Variants in GAD2 observed in about 807,000 individuals in gnomAD.
The protein encoded by GAD2 is glutamate decarboxylase 2.
A neutral mutation model predicts 80.1 loss-of-function variants in GAD2; 22 were observed. The ratio of observed to expected loss-of-function variants is 0.27; its 90% CI spans 0.20 to 0.39. The LOEUF (loss-of-function observed/expected upper bound fraction) is 0.39, where lower values mean the gene tolerates loss of function less well. Among genes scored for constraint, GAD2 ranks in the 10% least tolerant of loss-of-function variants. The pLI, the probability that GAD2 is intolerant of heterozygous loss-of-function variation, is 1.00. For synonymous variants in GAD2, 274 were observed against 256.9 expected, an observed-to-expected ratio of 1.07 and a Z score of -0.64; for missense variants, 624 against 738.4, an observed-to-expected ratio of 0.85 and a Z score of 1.80.
chr10:26,300,164 G>A (rs775731773), intron 15 of GAD2, among the ~76,000 whole-genome samples: 26 of 152,114 alleles, frequency 1.7e-4, no homozygotes, highest in East Asian at 3.9e-4. Flanking sequence ...GTATAATCTC[G>A]TCTGTGGTAT....
chr10:26,247,029 A>G (rs751616329), intron 8 of GAD2, among the ~76,000 whole-genome samples: 10 of 152,204 alleles, frequency 6.6e-5, no homozygotes, highest in Non-Finnish European at 1.5e-4. Flanking sequence ...CTCGCGCAAG[A>G]AGGAATTCAG....
chr10:26,218,650 T>C (rs1844414802), intron 3 of GAD2, among the ~76,000 whole-genome samples: 1 of 151,964 alleles, frequency 6.6e-6, no homozygotes, highest in South Asian at 2.1e-4. Context: ...TGTTCCACTT[T>C]GGTTTGCCCG....
chr10:26,216,731 A>G (rs1048307604), upstream of GAD2: 103 of 1,255,496 alleles, frequency 8.2e-5, no homozygotes, highest in East Asian at 2.5e-3. The surrounding 1 kb of genome is among the most constrained non-coding windows in gnomAD (Gnocchi z 4.7). Flanking sequence ...ACGGGCACGC[A>G]CGCGCGCGCA....
chr10:26,236,883 T>C (rs1023607811), intron 7 of GAD2, among the ~76,000 whole-genome samples: 1 of 152,142 alleles, frequency 6.6e-6, no homozygotes. Context: ...TATTTTCTCC[T>C]CTACCCAGTC....
chr10:26,275,568 A>G (rs1300205457), intron 11 of GAD2, among the ~76,000 whole-genome samples: 1 of 152,236 alleles, frequency 6.6e-6, no homozygotes, highest in Non-Finnish European at 1.5e-5. Flanking sequence ...TTCCACTCTG[A>G]GCAGAATCCC....
At chr10:26,270,313 G>C (rs982895280) in intron 9 of GAD2, among the ~76,000 whole-genome samples, 4 of 152,046 alleles carry the variant, frequency 2.6e-5, no homozygotes, top group African/African-American at 9.7e-5. Flanking sequence ...GAGCAAAGGG[G>C]GTTAAAAGGG....
At chr10:26,273,729 TAAAGTGTTA>T in intron 11 of GAD2, 29 bp downstream of exon 11, 1 of 1,587,618 alleles carries the variant, frequency 6.3e-7, no homozygotes, top group Non-Finnish European at 8.6e-7. Context: ...ATTAACAACA[TAAAGTGTTA>T]AAAGCTAACT....
intron 11 of GAD2, among the ~76,000 whole-genome samples, chr10:26,277,430 A>C (rs1845222572): frequency 6.6e-6 from 1 of 152,222 alleles, no homozygotes; most frequent in Non-Finnish European, 1.5e-5. Flanking sequence ...GGAGAGCATT[A>C]GATTCCTTGG....
chr10:26,248,360 G>A (rs1416348444), intron 8 of GAD2, among the ~76,000 whole-genome samples: 1 of 152,188 alleles, frequency 6.6e-6, no homozygotes, highest in Non-Finnish European at 1.5e-5. Context: ...GCCCAGGGGT[G>A]TGCCTCCCTC....
At chr10:26,220,367 C>G (rs533150690) in intron 4 of GAD2, among the ~76,000 whole-genome samples, 46 of 152,150 alleles carry the variant, frequency 3.0e-4, no homozygotes, top group African/African-American at 1.1e-3. Context: ...AGCAGTATTA[C>G]GCTAATCAAT....
chr10:26,230,475 C>G (rs1256807387), intron 7 of GAD2, among the ~76,000 whole-genome samples: 1 of 152,194 alleles, frequency 6.6e-6, no homozygotes, highest in African/African-American at 2.4e-5. Flanking sequence ...GTCACCCAGA[C>G]TGTAGTGCAG....
At chr10:26,280,949 C>T (rs914232500) in intron 11 of GAD2, 60 bp from the exon 12 acceptor site, 28 of 1,078,248 alleles carry the variant, frequency 2.6e-5, no homozygotes, top group Middle Eastern at 4.0e-4. Context: ...AGCTCAGTTG[C>T]GCATGCCCTG....
intron 12 of GAD2, 54 bp from the exon 13 acceptor site, chr10:26,286,291 T>C: frequency 2.0e-6 from 3 of 1,465,356 alleles, no homozygotes; most frequent in Middle Eastern, 1.7e-4. Context: ...TTTACCAATA[T>C]AAATCTAATA....
At chr10:26,239,749 A>G (rs1358384372) in intron 7 of GAD2, among the ~76,000 whole-genome samples, 2 of 152,196 alleles carry the variant, frequency 1.3e-5, no homozygotes, top group Non-Finnish European at 2.9e-5. Context: ...CCTACATTGA[A>G]TGAGGGAGGG....
At chr10:26,235,029 C>T (rs1295387607) in intron 7 of GAD2, among the ~76,000 whole-genome samples, 1 of 152,158 alleles carries the variant, frequency 6.6e-6, no homozygotes, top group Non-Finnish European at 1.5e-5. Flanking sequence ...CATGCCACCA[C>T]ACCTGGCTAA....
At position 26,291,083 on chromosome 10, in the gene GAD2, C is replaced by G. The variant is rs995508077; in HGVS notation, c.1387-1382C>G. 2.2e-4 allele frequency among the ~76,000 whole-genome samples: 33 copies of G among 152,222 alleles called. 1 individual carries two copies. Among genetic ancestry groups the G allele is most frequent in the African/African-American group, 8.0e-4 (33 of 41,458 alleles). ...AGAGGCATCATCATTCCCATCTGATCAGAGAGTTGGCCAAAGCCATTCATC... is the reference window on the plus strand; with the variant it reads ...AGAGGCATCATCATTCCCATCTGATGAGAGAGTTGGCCAAAGCCATTCATC... On this transcript the variant is annotated intron_variant, in intron 13 of 15. Transcript: ENST00000376261.
At chr10:26,265,887 T>C (rs1845067421) in intron 8 of GAD2, among the ~76,000 whole-genome samples, 1 of 152,222 alleles carries the variant, frequency 6.6e-6, no homozygotes, top group African/African-American at 2.4e-5. Flanking sequence ...CCGCAACATA[T>C]GGGCAGTCAG....
rs1354163996 is a variant in GAD2 at position 26,287,555 on chromosome 10, TAAC to T, written c.1386+1064_1386+1066del. Among the ~76,000 whole-genome samples, 3 of 152,214 alleles carry T rather than the reference TAAC, an allele frequency of 2.0e-5. No individual in the cohort carries two copies. In the East Asian group the frequency reaches 5.8e-4, roughly 29 times the overall value. ...AAATATCCTTGGCTACAAAGATCAA[TAAC>T]AAGGGTGATGCCAGTCCGAGGCTGG... On this transcript the variant is annotated intron_variant, in intron 13 of 15. Coordinates refer to ENST00000376261, the MANE Select transcript of GAD2 (RefSeq NM_001134366.2).
chr10:26,275,792 C>T (rs1031141881), intron 11 of GAD2, among the ~76,000 whole-genome samples: 6 of 152,234 alleles, frequency 3.9e-5, no homozygotes, highest in South Asian at 2.1e-4. Context: ...AGAAGAAATC[C>T]GTAGTCAATT....
Sources: gnomAD v4.1 joint callset for allele counts (sites outside exome capture counted in the v4.1 genomes callset) on GRCh38, gnomAD v4.1.1 for gene constraint, Gnocchi (gnomAD v3.1) non-coding constraint, MANE v1.5 for transcripts, NCBI Gene and HGNC (gene_info 2026-07-23, HGNC 2026-07-21) for gene names.